Variants in ACSS3 observed in about 807,000 individuals in gnomAD.
ACSS3 encodes the protein acyl-CoA synthetase short-chain family member 3, mitochondrial.
In ACSS3, 64 loss-of-function variants were observed where a neutral mutation model predicts 84.2. That is an observed-to-expected ratio of 0.76 (90% CI 0.62 to 0.94). ACSS3 has a LOEUF of 0.94. ACSS3 is among the 40% of genes least tolerant of loss of function. The pLI is 0.00. For synonymous variants in ACSS3, 317 were observed against 310.1 expected, an observed-to-expected ratio of 1.02 and a Z score of -0.23; for missense variants, 815 against 867.6, an observed-to-expected ratio of 0.94 and a Z score of 0.76.
chr12:81,167,206 G>T (rs1278773724), intron 7 of ACSS3, among the ~76,000 whole-genome samples: 1 of 151,990 alleles, frequency 6.6e-6, no homozygotes, highest in South Asian at 2.1e-4. Context: ...TTTTTTAAAG[G>T]GGATTAGATA....
At chr12:81,241,109 GT>G (rs1360266030) in intron 13 of ACSS3, among the ~76,000 whole-genome samples, 1 of 151,102 alleles carries the variant, frequency 6.6e-6, no homozygotes, top group Non-Finnish European at 1.5e-5. Flanking sequence ...TCTTGCGATA[GT>G]TTACTGAGAA....
In ACSS3 at chr12:81,098,129, T is replaced by TGAGAGA. The variant is rs769661021; in HGVS notation, c.312-11413_312-11408dup. Reference sequence around the variant, plus strand: ...TTGGCATATCTAAATGGTCCCAGTATGAGAGAGAGAGAGAGAGAGAGAGTG... The same window carrying TGAGAGA: ...TTGGCATATCTAAATGGTCCCAGTATGAGAGAGAGAGAGAGAGAGAGAGAGAGAGTG... On this transcript the variant is annotated intron_variant, in intron 1 of 15. Coordinates refer to ENST00000548058, the MANE Select transcript of ACSS3 (RefSeq NM_024560.4). Among the ~76,000 whole-genome samples, 616 of 135,124 alleles carry TGAGAGA rather than the reference T, an allele frequency of 4.6e-3. 5 individuals are homozygous for TGAGAGA. Among genetic ancestry groups the TGAGAGA allele is most frequent in the African/African-American group, 9.2e-3 (328 of 35,612 alleles). 88.6% of individuals were successfully genotyped at this position (135,124 alleles called of 152,430 possible). A position where few individuals can be genotyped will look rare whatever the true frequency, so the allele number is the denominator to read the frequency against.
At chr12:81,117,059 C>A (rs1343377599) in intron 2 of ACSS3, among the ~76,000 whole-genome samples, 5 of 152,202 alleles carry the variant, frequency 3.3e-5, no homozygotes, top group Middle Eastern at 3.4e-3. Context: ...ATGCATTTAT[C>A]ATTCACTGAT....
chr12:81,123,085 G>A (rs758795836), intron 2 of ACSS3, among the ~76,000 whole-genome samples: 10 of 151,994 alleles, frequency 6.6e-5, no homozygotes, highest in Non-Finnish European at 1.5e-4. Flanking sequence ...TATTCTTGCA[G>A]TACTCATAAG....
chr12:81,189,257 G>T (rs2031443338), intron 8 of ACSS3, among the ~76,000 whole-genome samples: 1 of 152,054 alleles, frequency 6.6e-6, no homozygotes, highest in Non-Finnish European at 1.5e-5. Context: ...AGGTATAATG[G>T]TTACATTACA....
chr12:81,156,222 C>CACAT (rs1419301580), intron 7 of ACSS3, among the ~76,000 whole-genome samples: 1 of 151,600 alleles, frequency 6.6e-6, no homozygotes, highest in Non-Finnish European at 1.5e-5. Context: ...CACACACACA[C>CACAT]ACACACACGT....
At position 81,134,910 on chromosome 12, in the gene ACSS3, C is replaced by T. The variant is rs779854627; in HGVS notation, c.551C>T (p.Thr184Ile). 1 of 1,607,326 alleles carries T rather than the reference C, an allele frequency of 6.2e-7. No homozygotes were observed. Among genetic ancestry groups the T allele is most frequent in the African/African-American group, 1.3e-5 (1 of 74,874 alleles). ...YMPMIPQAMYTMLACARIGAI... is the reference protein window; with the variant it reads ...YMPMIPQAMYIMLACARIGAI... ...CCTATGATCCCACAGGCGATGTATA[C>T]CATGTTGGCATGTGCAAGGATAGGT... Residue 184 changes from threonine (T) to isoleucine (I), a missense_variant, in exon 3 of 16, where the codon ACC becomes ATC. By Grantham distance (89) the Thr-to-Ile change is moderately conservative. Coordinates refer to ENST00000548058, the MANE Select transcript of ACSS3 (RefSeq NM_024560.4).
intron 13 of ACSS3, among the ~76,000 whole-genome samples, chr12:81,245,131 TG>T (rs2033940634): frequency 6.6e-6 from 1 of 152,186 alleles, no homozygotes; most frequent in South Asian, 2.1e-4. Flanking sequence ...CCTTGGACTG[TG>T]AACTTCATCA....
At chr12:81,176,456 C>T (rs1459537422) in intron 8 of ACSS3, among the ~76,000 whole-genome samples, 1 of 152,056 alleles carries the variant, frequency 6.6e-6, no homozygotes, top group Non-Finnish European at 1.5e-5. Flanking sequence ...GACCTGTAGT[C>T]CCACCTACTT....
chr12:81,213,902 GTCCTTCCT>G lies in ACSS3; in HGVS notation c.1355-2973_1355-2966del, dbSNP rs1305105388. 5.5e-4 allele frequency among the ~76,000 whole-genome samples: 12 copies of G among 21,700 alleles called. 1 individual carries two copies. The highest frequency in any genetic ancestry group is 6.0e-4 in the Non-Finnish European group (6 of 9,944). 14.2% of individuals were successfully genotyped at this position (21,700 alleles called of 152,430 possible). ...TTTCTTTCCTTTCTTTCTTTCTTTT[GTCCTTCCT>G]TCCTTCCTTCCTTCCTTCCTTCCTT... On this transcript the variant is annotated intron_variant, in intron 9 of 15. Coordinates refer to ENST00000548058, the MANE Select transcript of ACSS3 (RefSeq NM_024560.4).
chr12:81,091,726 C>G (rs1322902213), intron 1 of ACSS3, among the ~76,000 whole-genome samples: 1 of 152,032 alleles, frequency 6.6e-6, no homozygotes, highest in Non-Finnish European at 1.5e-5. Flanking sequence ...TAATACCACT[C>G]TTAGATCAAA....
At chr12:81,123,307 T>G (rs1819129500) in intron 2 of ACSS3, among the ~76,000 whole-genome samples, 1 of 152,050 alleles carries the variant, frequency 6.6e-6, no homozygotes, top group Admixed American at 6.6e-5. Flanking sequence ...GATCCTACGG[T>G]TTTGCTTTTT....
chr12:81,225,090 C>T (rs73346712), intron 11 of ACSS3, among the ~76,000 whole-genome samples: 3 of 151,500 alleles, frequency 2.0e-5, no homozygotes, highest in African/African-American at 7.3e-5. Context: ...TTCAGTACTA[C>T]CATGGTTTCT....
rs192429746 is a variant in ACSS3, at chr12:81,179,036, G to A, written c.1250+4097G>A. Among the ~76,000 whole-genome samples the A allele has an allele frequency of 4.0e-3, 612 of 151,998 alleles. 4 individuals are homozygous for A. Among genetic ancestry groups the A allele is most frequent in the African/African-American group, 0.014 (577 of 41,462 alleles). On this transcript the variant is annotated intron_variant, in intron 8 of 15. Coordinates refer to ENST00000548058, the MANE Select transcript of ACSS3 (RefSeq NM_024560.4). ...TCTTTGACAAACTTAACAATAACAAGCAATTGAGAAAGGACTCCATTCAAT... is the reference window on the plus strand; with the variant it reads ...TCTTTGACAAACTTAACAATAACAAACAATTGAGAAAGGACTCCATTCAAT...
Position 81,256,438 on chromosome 12 carries a change from G to A in ACSS3, c.*1516G>A, listed in dbSNP as rs2034301043. 1 of 152,018 alleles carries A rather than the reference G, an allele frequency of 6.6e-6. No individual in the cohort carries two copies. Among genetic ancestry groups the A allele is most frequent in the Non-Finnish European group, 1.5e-5 (1 of 67,990 alleles). 9.4% of individuals were successfully genotyped at this position (152,018 alleles called of 1,614,324 possible). On this transcript the variant is annotated 3_prime_UTR_variant, in exon 16 of 16. Coordinates refer to ENST00000548058, the MANE Select transcript of ACSS3 (RefSeq NM_024560.4). ...AGTTAACTAAGGTAGACAGATGTAG[G>A]AAATTAAATATTTGATTTACTTAGG...
At chr12:81,182,656 A>G (rs1268819468) in intron 8 of ACSS3, among the ~76,000 whole-genome samples, 3 of 152,312 alleles carry the variant, frequency 2.0e-5, no homozygotes, top group Non-Finnish European at 4.4e-5. Flanking sequence ...ACAGAAGTTG[A>G]GTTTTTATCA....
chr12:81,200,783 C>A (rs895075251), intron 9 of ACSS3, among the ~76,000 whole-genome samples: 3 of 151,006 alleles, frequency 2.0e-5, no homozygotes, highest in African/African-American at 4.9e-5. Flanking sequence ...TGCCTGTAAT[C>A]TCAGCTACTC....
At chr12:81,172,815 T>C (rs2030178086) in intron 7 of ACSS3, among the ~76,000 whole-genome samples, 1 of 152,204 alleles carries the variant, frequency 6.6e-6, no homozygotes. Context: ...TATATCATTT[T>C]AATTATGATA....
At chr12:81,232,432 T>A (rs947338609) in intron 12 of ACSS3, among the ~76,000 whole-genome samples, 1 of 151,720 alleles carries the variant, frequency 6.6e-6, no homozygotes, top group African/African-American at 2.4e-5. Context: ...TTCAAATAAG[T>A]GAGAAGTGAT....
Sources: gnomAD v4.1 joint callset for allele counts (sites outside exome capture counted in the v4.1 genomes callset) on GRCh38, gnomAD v4.1.1 for gene constraint, MANE v1.5 for transcripts, NCBI Gene and HGNC (gene_info 2026-07-23, HGNC 2026-07-21) for gene names.